Variants in BRPF3 observed in about 807,000 individuals in gnomAD.
BRPF3 encodes bromodomain and PHD finger-containing protein 3.
In BRPF3, 18 loss-of-function variants were observed where a neutral mutation model predicts 102.0. The observed-to-expected ratio is 0.18, with a 90% CI of 0.12 to 0.26. BRPF3 has a LOEUF of 0.26. BRPF3 is among the 10% of genes least tolerant of loss of function. The pLI is 1.00. For synonymous variants in BRPF3, 570 were observed against 614.2 expected (o/e 0.93, Z 1.06); for missense variants, 1,147 against 1,567.8 (o/e 0.73, Z 4.53).
At chr6:36,204,507 T>C in intron 2 of BRPF3, 151 bp from the exon 3 acceptor site, 1 of 817,058 alleles carries the variant, frequency 1.2e-6, no homozygotes, top group Admixed American at 2.2e-5. Flanking sequence ...ACTGTCCTTT[T>C]CAAGCCTTTC....
chr6:36,211,465 C>A lies in BRPF3; in HGVS notation c.2387C>A (p.Thr796Lys), dbSNP rs752937677. The change falls in exon 7 of 13, where the codon ACA (threonine) becomes AAA (lysine). Residue 796 changes from threonine to lysine, a missense_variant. Physicochemically the swap from Thr to Lys is moderately conservative, Grantham distance 78. Coordinates refer to ENST00000357641, the MANE Select transcript of BRPF3 (RefSeq NM_015695.3). Reference sequence around the variant, plus strand: ...CCACAGCCACCATCACTCAACAAGACAGTATCCAATGGGGAGCTGCCAGCA... The same window carrying A: ...CCACAGCCACCATCACTCAACAAGAAAGTATCCAATGGGGAGCTGCCAGCA... ...PPPQPPSLNK[T>K]VSNGELPAGP... is the part of the protein sequence containing the mutation. The A allele has an allele frequency of 3.7e-6, 6 of 1,601,196 alleles. No homozygotes were observed. Among genetic ancestry groups the A allele is most frequent in the Admixed American group, 3.5e-5 (2 of 57,928 alleles).
Position 36,201,458 on chromosome 6 carries a change from A to G in BRPF3, c.1136A>G (p.Lys379Arg). 6.2e-7 allele frequency: 1 copy of G among 1,614,216 alleles called. No homozygotes were observed. Among genetic ancestry groups the G allele is most frequent in the Non-Finnish European group, 8.5e-7 (1 of 1,180,042 alleles). ...SLNGTIFTVR[K>R]TAYCEAHSPP... ...AATGGCACCATCTTTACAGTGCGCA[A>G]GACTGCCTACTGTGAGGCCCACTCG... Residue 379 changes from lysine (K) to arginine (R), a missense_variant, in exon 2 of 13, where the codon AAG (lysine) becomes AGG (arginine). Lys to Arg is a conservative substitution (Grantham distance 26, BLOSUM62 2). Coordinates refer to ENST00000357641, the MANE Select transcript of BRPF3 (RefSeq NM_015695.3). The surrounding 1 kb of genome is among the most constrained non-coding windows in gnomAD (Gnocchi z 5.1).
rs200565609 is a variant in BRPF3, at chr6:36,200,837, G to A, written c.515G>A (p.Arg172Gln). Residue 172 changes from arginine (R) to glutamine (Q), a missense_variant, in exon 2 of 13, where the codon CGA (arginine) becomes CAA (glutamine). Arg to Gln is a conservative substitution (Grantham distance 43). Coordinates refer to ENST00000357641, the MANE Select transcript of BRPF3 (RefSeq NM_015695.3). The surrounding 1 kb of genome is among the most constrained non-coding windows in gnomAD (Gnocchi z 5.3). ...AWLDMVNEKRRVDGHSLVSAD... is the reference protein window; with the variant it reads ...AWLDMVNEKRQVDGHSLVSAD... Reference sequence around the variant, plus strand: ...CTGGACATGGTGAATGAAAAACGGCGAGTAGATGGGCACAGTTTGGTGTCT... The same window carrying A: ...CTGGACATGGTGAATGAAAAACGGCAAGTAGATGGGCACAGTTTGGTGTCT... 62 of 1,614,154 alleles carry A rather than the reference G, an allele frequency of 3.8e-5. No individual in the cohort carries two copies. In the East Asian group the frequency reaches 7.1e-4, roughly 19 times the overall value.
rs565586874 is a variant in BRPF3 at position 36,203,525 on chromosome 6, C to T, written c.1449-1133C>T. On this transcript the variant is annotated intron_variant, in intron 2 of 12. Coordinates refer to ENST00000357641, the MANE Select transcript of BRPF3 (RefSeq NM_015695.3). ...AGGTGTGCTTGGCATGGACATTGGTCGGGATCTGTCCTTTGGGGAGAGGCC... is the reference window on the plus strand; with the variant it reads ...AGGTGTGCTTGGCATGGACATTGGTTGGGATCTGTCCTTTGGGGAGAGGCC... Among the ~76,000 whole-genome samples, 11 of 152,278 alleles carry T rather than the reference C, an allele frequency of 7.2e-5. No homozygotes were observed. In the East Asian group the frequency reaches 1.9e-3, roughly 27 times the overall value.
Position 36,201,874 on chromosome 6 carries a change from C to T in BRPF3, c.1448+104C>T, listed in dbSNP as rs1767719004. On this transcript the variant is annotated intron_variant, in intron 2 of 12. Coordinates refer to ENST00000357641, the MANE Select transcript of BRPF3 (RefSeq NM_015695.3). The surrounding 1 kb of genome is among the most constrained non-coding windows in gnomAD (Gnocchi z 5.1). The stretch of plus-strand genomic sequence containing the variant: ...TAAACACAGTTGGACACTATATCCT[C>T]CTCCCCGAATTTAAACTCTTCCTTT... 1.1e-5 allele frequency: 16 copies of T among 1,457,490 alleles called. No individual in the cohort carries two copies. Among genetic ancestry groups the T allele is most frequent in the Non-Finnish European group, 1.4e-5 (15 of 1,092,436 alleles). The allele number at this position is 1,457,490 out of a possible 1,614,324, so 90.3% of individuals were successfully genotyped here.
intron 11 of BRPF3, among the ~76,000 whole-genome samples, chr6:36,226,208 C>T (rs751956762): frequency 6.6e-6 from 1 of 152,132 alleles, no homozygotes; most frequent in South Asian, 2.1e-4. Flanking sequence ...CTTAGGAGTC[C>T]CTTCTTGGGG....
At position 36,230,364 on chromosome 6, in the gene BRPF3, A is replaced by G; in HGVS notation, c.3435-62A>G. 1 of 1,551,470 alleles carries G rather than the reference A, an allele frequency of 6.4e-7. No homozygotes were observed. The highest frequency in any genetic ancestry group is 8.8e-7 in the Non-Finnish European group (1 of 1,134,062). ...GCTGGTCCTGGCCAAGTGGGGCCAC[A>G]GGAGCCCGAGCCCCCTGTGAGACCC... is the stretch of plus-strand genomic sequence containing the variant. On this transcript the variant is annotated intron_variant, in intron 12 of 12. Transcript: ENST00000357641. This position sits in a 1 kb window ranked among gnomAD's most constrained non-coding sequence, Gnocchi z 5.4.
At chr6:36,202,773 G>A (rs569663571) in intron 2 of BRPF3, among the ~76,000 whole-genome samples, 3 of 152,290 alleles carry the variant, frequency 2.0e-5, no homozygotes, top group East Asian at 3.9e-4. Flanking sequence ...ATGGAACCAG[G>A]TGGAAAGTGA....
intron 3 of BRPF3, among the ~76,000 whole-genome samples, chr6:36,206,810 T>C (rs1460082144): frequency 6.6e-6 from 1 of 152,236 alleles, no homozygotes; most frequent in African/African-American, 2.4e-5. Flanking sequence ...ATTATCTTTA[T>C]GCTAATATGC....
chr6:36,202,296 T>C (rs1767734497), intron 2 of BRPF3, among the ~76,000 whole-genome samples: 1 of 152,182 alleles, frequency 6.6e-6, no homozygotes, highest in Non-Finnish European at 1.5e-5. Context: ...GCAAGTTCTG[T>C]CCTGGGTATG....
rs1461704587 is a variant in BRPF3, at chr6:36,201,111, C to T, written c.789C>T (p.Pro263=). Residue 263 remains proline (P), a synonymous_variant, in exon 2 of 13, where the codon CCC becomes CCT. Transcript: ENST00000357641. This position sits in a 1 kb window ranked among gnomAD's most constrained non-coding sequence, Gnocchi z 5.1. ...QWLCRCCLQS[P]SRPVDCILCP... is the part of the protein sequence containing the mutation. ...TATGCCGCTGCTGCCTGCAGTCTCC[C>T]TCCCGGCCTGTGGATTGCATCCTTT... 3 of 1,614,182 alleles carry T rather than the reference C, an allele frequency of 1.9e-6. No homozygotes were observed. The highest frequency in any genetic ancestry group is 2.5e-6 in the Non-Finnish European group (3 of 1,180,038).
chr6:36,210,382 C>T lies in BRPF3; in HGVS notation c.2033C>T (p.Ala678Val), dbSNP rs768525734. The change falls in exon 6 of 13, where the codon GCA becomes GTA. Residue 678 changes from alanine (A) to valine (V), a missense_variant. Physicochemically the swap from Ala to Val is moderately conservative, Grantham distance 64. Coordinates refer to ENST00000357641, the MANE Select transcript of BRPF3 (RefSeq NM_015695.3). The surrounding 1 kb of genome is among the most constrained non-coding windows in gnomAD (Gnocchi z 4.7). ...GCTAAAGACACAATTTTCCACCGAG[C>T]AGCTGTCCGCCTGCGGGACCTGGGA... is the stretch of plus-strand genomic sequence containing the variant. ...YNAKDTIFHR[A>V]AVRLRDLGGA... 1 of 1,614,228 alleles carries T rather than the reference C, an allele frequency of 6.2e-7. No homozygotes were observed. The highest frequency in any genetic ancestry group is 1.1e-5 in the South Asian group (1 of 91,086).
In BRPF3 at chr6:36,230,827, C is replaced by A; in HGVS notation, c.*218C>A. ...GTGCCAAAAACTCCCACCCAAGGTCCCTCAGGGGATATTTCACTGAAGAAC... is the reference window on the plus strand; with the variant it reads ...GTGCCAAAAACTCCCACCCAAGGTCACTCAGGGGATATTTCACTGAAGAAC... On this transcript the variant is annotated 3_prime_UTR_variant, in exon 13 of 13. Coordinates refer to ENST00000357641, the MANE Select transcript of BRPF3 (RefSeq NM_015695.3). This position sits in a 1 kb window ranked among gnomAD's most constrained non-coding sequence, Gnocchi z 5.4. The A allele has an allele frequency of 1.7e-6, 1 of 572,730 alleles. No homozygotes were observed. Among genetic ancestry groups the A allele is most frequent in the Non-Finnish European group, 3.1e-6 (1 of 327,738 alleles). 35.5% of individuals were successfully genotyped at this position (572,730 alleles called of 1,614,324 possible). A position where few individuals can be genotyped will look rare whatever the true frequency, so the allele number is the denominator to read the frequency against.
intron 8 of BRPF3, among the ~76,000 whole-genome samples, chr6:36,215,199 C>T (rs2127290227): frequency 6.6e-6 from 1 of 152,248 alleles, no homozygotes; most frequent in South Asian, 2.1e-4. Context: ...TCACTGCAAC[C>T]TCTGCCTCCT....
Position 36,229,579 on chromosome 6 carries a change from G to A in BRPF3, c.3434+523G>A, listed in dbSNP as rs555225516. ...ACTTCCAGTAGCTTCTGGGAAGCAT[G>A]TTTCCGTCCTGAGGGGGGTTCTGGC... On this transcript the variant is annotated intron_variant, in intron 12 of 12. Transcript: ENST00000357641. 5.8e-4 allele frequency among the ~76,000 whole-genome samples: 89 copies of A among 152,308 alleles called. 2 individuals carry two copies. The highest frequency in any genetic ancestry group is 2.7e-3 in the South Asian group (13 of 4,828).
chr6:36,202,584 A>G (rs1216142429), intron 2 of BRPF3, among the ~76,000 whole-genome samples: 1 of 152,114 alleles, frequency 6.6e-6, no homozygotes, highest in Non-Finnish European at 1.5e-5. Context: ...ATTAAACAGT[A>G]TACACTGTTA....
At chr6:36,209,952 TTGAACTGGAACAGGGTCTGAG>T in intron 5 of BRPF3, 37 bp downstream of exon 5, 1 of 1,611,188 alleles carries the variant, frequency 6.2e-7, no homozygotes, top group Non-Finnish European at 8.5e-7. Context: ...TAAATTCTTC[TTGAACTGGAACAGGGTCTGAG>T]TAGGCTAGGA....
chr6:36,200,968 T>G lies in BRPF3; in HGVS notation c.646T>G (p.Cys216Gly). The change falls in exon 2 of 13, where the codon TGT (cysteine) becomes GGT (glycine). Residue 216 changes from cysteine to glycine, a missense_variant. Cys to Gly is a radical substitution (Grantham distance 159). Transcript: ENST00000357641. The surrounding 1 kb of genome is among the most constrained non-coding windows in gnomAD (Gnocchi z 5.3). ...QSLIDEDAFC[C>G]VCLDDECHNS... ...ACTCATCGATGAAGACGCTTTCTGCTGTGTGTGCCTGGATGATGAATGTCA... is the reference window on the plus strand; with the variant it reads ...ACTCATCGATGAAGACGCTTTCTGCGGTGTGTGCCTGGATGATGAATGTCA... 6.2e-7 allele frequency: 1 copy of G among 1,614,214 alleles called. No homozygotes were observed. The highest frequency in any genetic ancestry group is 1.1e-5 in the South Asian group (1 of 91,082).
chr6:36,211,364 G>A lies in BRPF3; in HGVS notation c.2286G>A (p.Gly762=). 1 of 1,614,266 alleles carries A rather than the reference G, an allele frequency of 6.2e-7. No homozygotes were observed. ...LDLVSAMRSS[G]ARTRRVRLLR... ...TGGTGAGCGCCATGCGGTCCAGTGGGGCCCGCACCCGTCGTGTCCGCCTGC... is the reference window on the plus strand; with the variant it reads ...TGGTGAGCGCCATGCGGTCCAGTGGAGCCCGCACCCGTCGTGTCCGCCTGC... The change falls in exon 7 of 13, where the codon GGG becomes GGA. Residue 762 remains glycine (G), a synonymous_variant. Coordinates refer to ENST00000357641, the MANE Select transcript of BRPF3 (RefSeq NM_015695.3).
Sources: gnomAD v4.1 joint callset for allele counts (sites outside exome capture counted in the v4.1 genomes callset) on GRCh38, gnomAD v4.1.1 for gene constraint, Gnocchi (gnomAD v3.1) non-coding constraint, MANE v1.5 for transcripts, NCBI Gene and HGNC (gene_info 2026-07-23, HGNC 2026-07-21) for gene names.